The following INSL6 variants were observed in gnomAD, a reference collection of about 807,000 sequenced individuals.
INSL6 encodes the protein insulin like 6.
In INSL6, 16 loss-of-function variants were observed where a neutral mutation model predicts 9.4. The observed-to-expected ratio is 1.70, with a 90% confidence interval of 1.15 to 2.59. The LOEUF (loss-of-function observed/expected upper bound fraction) is 2.59, where lower values mean the gene tolerates loss of function less well. Ranked by LOEUF, INSL6 falls within the 30% of genes most tolerant of loss-of-function variation. INSL6 has a pLI of 0.00. For synonymous variants in INSL6, 154 were observed against 96.9 expected (o/e 1.59, Z -3.46); for missense variants, 391 against 257.3 (o/e 1.52, Z -3.56).
the INSL6 span, chr9:5,101,097 A>G: frequency 6.6e-6 from 1 of 152,294 alleles, no homozygotes; most frequent in African/African-American, 2.4e-5. Context: ...CCCAGGAAGC[A>G]CAAGGGGTCA....
chr9:5,035,982 C>T, the INSL6 span, among the ~76,000 whole-genome samples: 1 of 152,190 alleles, frequency 6.6e-6, no homozygotes, highest in East Asian at 1.9e-4. Flanking sequence ...CTGGAAAACC[C>T]CATCGTCTCA....
chr9:5,143,022 C>A (rs144424925), intron 2 of INSL6, among the ~76,000 whole-genome samples: 1 of 152,094 alleles, frequency 6.6e-6, no homozygotes, highest in Non-Finnish European at 1.5e-5. Context: ...TTGAACCAAC[C>A]TTTCATCCCA....
chr9:5,070,553 C>G, the INSL6 span, among the ~76,000 whole-genome samples: 4 of 151,892 alleles, frequency 2.6e-5, no homozygotes, highest in African/African-American at 9.7e-5. Flanking sequence ...CACTGTATTT[C>G]TTTTTTTAAA....
At chr9:5,072,614 A>G in the INSL6 span, 24 of 1,605,420 alleles carry the variant, frequency 1.5e-5, no homozygotes, top group Admixed American at 1.9e-4. Flanking sequence ...AAGCACACAG[A>G]AACTATTCAG....
the INSL6 span, among the ~76,000 whole-genome samples, chr9:4,999,369 A>G: frequency 6.6e-6 from 1 of 152,224 alleles, no homozygotes; most frequent in Admixed American, 6.5e-5. Context: ...CAGTAGTAGT[A>G]TACAAGCTTT....
chr9:5,126,395 A>G (rs751405569), intron 3 of INSL6: 2 of 1,611,158 alleles, frequency 1.2e-6, no homozygotes, highest in Non-Finnish European at 1.7e-6. Flanking sequence ...ATTTGATAGA[A>G]CTTTTGAAGA....
the INSL6 span, among the ~76,000 whole-genome samples, chr9:5,032,872 A>G: frequency 6.6e-6 from 1 of 152,276 alleles, no homozygotes; most frequent in Non-Finnish European, 1.5e-5. Flanking sequence ...GCTCCTTACC[A>G]GCAACGGAAC....
chr9:5,080,577 G>A, the INSL6 span: 6 of 1,601,904 alleles, frequency 3.7e-6, no homozygotes, highest in Admixed American at 1.1e-4. Context: ...CTGCACCAAA[G>A]TGGGCAGAAT....
At chr9:5,132,248 T>C (rs191317570) in intron 3 of INSL6, 1 of 152,298 alleles carries the variant, frequency 6.6e-6, no homozygotes, top group East Asian at 1.9e-4. Flanking sequence ...TACAGAACAA[T>C]CCTTTTCTAA....
the INSL6 span, among the ~76,000 whole-genome samples, chr9:5,063,837 G>A: frequency 6.6e-6 from 1 of 151,864 alleles, no homozygotes; most frequent in Non-Finnish European, 1.5e-5. Flanking sequence ...CTGCATTTTT[G>A]GCTGACTACA....
the INSL6 span, chr9:5,022,140 G>A: frequency 6.2e-7 from 1 of 1,613,968 alleles, no homozygotes; most frequent in Non-Finnish European, 8.5e-7. Flanking sequence ...GGAAATCTGA[G>A]GCAGATTATC....
chr9:5,034,428 C>G, the INSL6 span, among the ~76,000 whole-genome samples: 5 of 152,158 alleles, frequency 3.3e-5, no homozygotes, highest in Non-Finnish European at 7.3e-5. Flanking sequence ...CCCAAATCAA[C>G]AGAATATATA....
At chr9:5,036,056 C>A in the INSL6 span, among the ~76,000 whole-genome samples, 1 of 152,184 alleles carries the variant, frequency 6.6e-6, no homozygotes, top group Admixed American at 6.5e-5. Flanking sequence ...AATCAATGTG[C>A]AAAAATCACA....
chr9:5,024,602 G>T, the INSL6 span, among the ~76,000 whole-genome samples: 1 of 152,048 alleles, frequency 6.6e-6, no homozygotes, highest in African/African-American at 2.4e-5. Flanking sequence ...GCTTTTCAGT[G>T]CTGTCATTTC....
chr9:5,114,904 C>T, the INSL6 span: 2 of 192,064 alleles, frequency 1.0e-5, no homozygotes, highest in South Asian at 1.9e-4. Flanking sequence ...CCCCAGGAAG[C>T]CACCCCCAAT....
the INSL6 span, chr9:5,089,985 A>G: frequency 7.6e-6 from 4 of 525,632 alleles, no homozygotes; most frequent in Non-Finnish European, 1.2e-5. Context: ...GAGGCATTCT[A>G]TAATGACTAG....
the INSL6 span, among the ~76,000 whole-genome samples, chr9:5,078,909 T>C: frequency 6.6e-6 from 1 of 152,364 alleles, no homozygotes; most frequent in African/African-American, 2.4e-5. Context: ...TGTTCATCTT[T>C]ACTACTTAAC....
chr9:5,055,730 A>G, the INSL6 span: 1 of 1,608,840 alleles, frequency 6.2e-7, no homozygotes, highest in Non-Finnish European at 8.5e-7. Context: ...CAAGCAAACC[A>G]AGAGGGTTCA....
chr9:5,146,428 G>A (rs1824603345), intron 2 of INSL6, among the ~76,000 whole-genome samples: 1 of 152,176 alleles, frequency 6.6e-6, no homozygotes, highest in Admixed American at 6.5e-5. Context: ...TGAGGAGCAG[G>A]GGGCCCCTCC....
Sources: gnomAD v4.1 joint callset for allele counts (sites outside exome capture counted in the v4.1 genomes callset) on GRCh38, gnomAD v4.1.1 for gene constraint, MANE v1.5 for transcripts, NCBI Gene and HGNC (gene_info 2026-07-23, HGNC 2026-07-21) for gene names.